The following SLIT3 variants were observed in gnomAD, a reference collection of about 807,000 sequenced individuals.
The protein encoded by SLIT3 is slit homolog 3 protein.
SLIT3 carries 68 observed loss-of-function variants against 184.0 expected under a neutral mutation model. The observed-to-expected ratio is 0.37, with a 90% CI of 0.30 to 0.45. The LOEUF (loss-of-function observed/expected upper bound fraction) is 0.45, where lower values mean the gene tolerates loss of function less well. Among genes scored for constraint, SLIT3 ranks in the 20% least tolerant of loss-of-function variants. The pLI is 1.00. For missense variants in SLIT3, 1,707 were observed against 2,026.0 expected (o/e 0.84, Z 3.02); for synonymous variants, 831 against 828.6 (o/e 1.00, Z -0.05).
At chr5:169,159,366 C>A (rs1762402646) in intron 4 of SLIT3, among the ~76,000 whole-genome samples, 1 of 152,166 alleles carries the variant, frequency 6.6e-6, no homozygotes, top group Non-Finnish European at 1.5e-5. Context: ...GTAGAGATTG[C>A]AGTGAGCTGA....
chr5:168,734,794 G>A (rs1207556497), intron 20 of SLIT3, among the ~76,000 whole-genome samples: 4 of 152,216 alleles, frequency 2.6e-5, no homozygotes, highest in African/African-American at 4.8e-5. Flanking sequence ...CAGCATTCTC[G>A]CACTCTGCCT....
chr5:168,723,227 ACATCTACCCACCCACCCACTTACC>A (rs1169969236), intron 21 of SLIT3, among the ~76,000 whole-genome samples: 1 of 151,412 alleles, frequency 6.6e-6, no homozygotes, highest in East Asian at 1.9e-4. Flanking sequence ...GTCCATCCAT[ACATCTACCCACCCACCCACTTACC>A]CATCTACCCC....
chr5:169,291,257 A>C (rs1767354975), intron 1 of SLIT3, among the ~76,000 whole-genome samples: 1 of 152,196 alleles, frequency 6.6e-6, no homozygotes, highest in African/African-American at 2.4e-5. Flanking sequence ...ACTGCAAAGG[A>C]AGATGACTCC....
intron 4 of SLIT3, among the ~76,000 whole-genome samples, chr5:169,134,648 A>C (rs187839975): frequency 1.2e-3 from 187 of 152,330 alleles, no homozygotes; most frequent in African/African-American, 4.3e-3. Context: ...ATACCTAATG[A>C]AAATGTCGAG....
At chr5:168,917,057 G>A (rs993858716) in intron 4 of SLIT3, among the ~76,000 whole-genome samples, 11 of 152,136 alleles carry the variant, frequency 7.2e-5, no homozygotes, top group African/African-American at 1.4e-4. Context: ...CAAAGGAGAC[G>A]GAAATAAATG....
chr5:169,260,661 T>C (rs1254391694), intron 1 of SLIT3, among the ~76,000 whole-genome samples: 1 of 152,232 alleles, frequency 6.6e-6, no homozygotes, highest in Non-Finnish European at 1.5e-5. Context: ...CCTGTGTAAA[T>C]AAATCAACTC....
intron 29 of SLIT3, among the ~76,000 whole-genome samples, chr5:168,690,501 G>T (rs984468342): frequency 6.6e-5 from 10 of 152,126 alleles, no homozygotes; most frequent in Non-Finnish European, 1.3e-4. Flanking sequence ...TGCTTGCCTG[G>T]CCTGCTCTGC....
chr5:168,898,708 A>G (rs1017374698), intron 4 of SLIT3, among the ~76,000 whole-genome samples: 6 of 152,146 alleles, frequency 3.9e-5, no homozygotes, highest in Admixed American at 3.9e-4. Flanking sequence ...TGGAGAATGT[A>G]TATAAAGTAA....
chr5:168,741,955 C>A (rs1443089896), intron 20 of SLIT3, among the ~76,000 whole-genome samples: 4 of 120,858 alleles, frequency 3.3e-5, no homozygotes, highest in Non-Finnish European at 6.8e-5. Context: ...GGAATTTAAA[C>A]CCAAGACTAT....
chr5:168,695,572 C>A (rs930638142), intron 28 of SLIT3, among the ~76,000 whole-genome samples: 2 of 152,186 alleles, frequency 1.3e-5, no homozygotes, highest in Non-Finnish European at 2.9e-5. Flanking sequence ...CATAACAAAG[C>A]GGGCTGTGTT....
chr5:169,095,770 T>C (rs1372315514), intron 4 of SLIT3, among the ~76,000 whole-genome samples: 1 of 152,202 alleles, frequency 6.6e-6, no homozygotes, highest in Non-Finnish European at 1.5e-5. Context: ...CCACCATTGA[T>C]TGGCACTTGT....
chr5:168,952,290 C>G (rs1407094020), intron 4 of SLIT3, among the ~76,000 whole-genome samples: 3 of 152,162 alleles, frequency 2.0e-5, no homozygotes, highest in African/African-American at 7.2e-5. Context: ...TTTGATCCAT[C>G]CTGAGTTAAG....
At chr5:168,948,490 T>C (rs952606287) in intron 4 of SLIT3, among the ~76,000 whole-genome samples, 2 of 152,118 alleles carry the variant, frequency 1.3e-5, no homozygotes, top group Non-Finnish European at 2.9e-5. Context: ...AGAGAAATGA[T>C]TGTGAGGTCG....
At chr5:168,788,789 C>T (rs1756251921) in intron 11 of SLIT3, among the ~76,000 whole-genome samples, 1 of 152,062 alleles carries the variant, frequency 6.6e-6, no homozygotes, top group African/African-American at 2.4e-5. Flanking sequence ...ACTCCTAGAA[C>T]AGTACCTGGT....
At chr5:169,012,063 A>G (rs145028045) in intron 4 of SLIT3, 25 of 152,198 alleles carry the variant, frequency 1.6e-4, no homozygotes, top group African/African-American at 5.8e-4. Flanking sequence ...CTAAATAGCA[A>G]ATACAAATGA....
chr5:168,958,363 A>G (rs1451992179), intron 4 of SLIT3, among the ~76,000 whole-genome samples: 1 of 152,168 alleles, frequency 6.6e-6, no homozygotes, highest in Non-Finnish European at 1.5e-5. Context: ...TTTTAAAGAT[A>G]TATTCATGTC....
At chr5:168,973,522 A>G (rs1754652318) in intron 4 of SLIT3, among the ~76,000 whole-genome samples, 1 of 152,218 alleles carries the variant, frequency 6.6e-6, no homozygotes. Flanking sequence ...CTAGGATTAT[A>G]GGCGTGAGCC....
At chr5:168,684,859 TA>T (rs903193211) in intron 31 of SLIT3, among the ~76,000 whole-genome samples, 20 of 150,778 alleles carry the variant, frequency 1.3e-4, no homozygotes, top group African/African-American at 3.6e-4. Flanking sequence ...TCTGGGGAAT[TA>T]AAAAAAAAAT....
chr5:168,883,628 C>A (rs1317717376), intron 4 of SLIT3, among the ~76,000 whole-genome samples: 1 of 152,240 alleles, frequency 6.6e-6, no homozygotes, highest in Non-Finnish European at 1.5e-5. Context: ...GTTGCACACA[C>A]TGCACCCAAT....
Sources: gnomAD v4.1 joint callset for allele counts (sites outside exome capture counted in the v4.1 genomes callset) on GRCh38, gnomAD v4.1.1 for gene constraint, MANE v1.5 for transcripts, NCBI Gene and HGNC (gene_info 2026-07-23, HGNC 2026-07-21) for gene names.